MATCAP2: variants seen among roughly 807,000 people sequenced by gnomAD.
MATCAP2 encodes the protein microtubule associated tyrosine carboxypeptidase 2.
At chr7:36,331,571 A>G in the MATCAP2 span, among the ~76,000 whole-genome samples, 9 of 152,216 alleles carry the variant, frequency 5.9e-5, no homozygotes, top group African/African-American at 2.2e-4. Context: ...ACCCTCCATT[A>G]AACAAAAACA....
chr7:36,354,945 A>G, the MATCAP2 span, among the ~76,000 whole-genome samples: 1 of 152,200 alleles, frequency 6.6e-6, no homozygotes, highest in East Asian at 1.9e-4. Flanking sequence ...CCTTCCAGAG[A>G]AATCAAAGAG....
chr7:36,360,289 C>T, the MATCAP2 span, among the ~76,000 whole-genome samples: 2 of 152,032 alleles, frequency 1.3e-5, no homozygotes, highest in Non-Finnish European at 2.9e-5. Flanking sequence ...TCTGAAACAG[C>T]CTACACATTT....
chr7:36,379,837 C>CAG, the MATCAP2 span, among the ~76,000 whole-genome samples: 75 of 131,378 alleles, frequency 5.7e-4, no homozygotes, highest in Non-Finnish European at 1.0e-3. Context: ...CACACACACA[C>CAG]ACACACACAC....
At chr7:36,386,071 C>T in the MATCAP2 span, among the ~76,000 whole-genome samples, 3 of 151,780 alleles carry the variant, frequency 2.0e-5, no homozygotes, top group Non-Finnish European at 4.4e-5. Context: ...AGGAGAATCG[C>T]TTGAACCCGG....
chr7:36,387,008 G>C, the MATCAP2 span, among the ~76,000 whole-genome samples: 1 of 152,148 alleles, frequency 6.6e-6, no homozygotes, highest in Non-Finnish European at 1.5e-5. Context: ...TCCATTAACA[G>C]GATAATGGGT....
chr7:36,344,127 C>G, the MATCAP2 span, among the ~76,000 whole-genome samples: 1 of 152,052 alleles, frequency 6.6e-6, no homozygotes, highest in Non-Finnish European at 1.5e-5. Flanking sequence ...TCTAGAATAA[C>G]CTGCACTGAA....
At chr7:36,356,996 T>C in the MATCAP2 span, 2 of 1,614,196 alleles carry the variant, frequency 1.2e-6, no homozygotes, top group Non-Finnish European at 1.7e-6. Context: ...GTAGGTATAG[T>C]CAGATTTGAA....
chr7:36,366,922 C>G, the MATCAP2 span: 1 of 1,438,208 alleles, frequency 7.0e-7, no homozygotes, highest in Non-Finnish European at 9.0e-7. Flanking sequence ...TCACCCGTCA[C>G]GCGAATGGAC....
the MATCAP2 span, among the ~76,000 whole-genome samples, chr7:36,376,003 C>A: frequency 4.6e-5 from 7 of 152,130 alleles, no homozygotes; most frequent in South Asian, 2.1e-4. Context: ...GTCTTGCTAG[C>A]GGTTTATCAA....
chr7:36,364,225 C>G, the MATCAP2 span, among the ~76,000 whole-genome samples: 2 of 151,958 alleles, frequency 1.3e-5, no homozygotes, highest in Non-Finnish European at 2.9e-5. Context: ...GTAGCTGGGA[C>G]TACAGGCGCA....
the MATCAP2 span, chr7:36,383,713 G>C: frequency 3.8e-6 from 2 of 520,314 alleles, no homozygotes; most frequent in Non-Finnish European, 6.8e-6. Flanking sequence ...ACCTAATATA[G>C]ATGACAGGTT....
chr7:36,336,047 G>T, the MATCAP2 span: 2 of 805,790 alleles, frequency 2.5e-6, no homozygotes, highest in Non-Finnish European at 1.7e-6. Flanking sequence ...CTCCAGTCTG[G>T]GCAACAGAGC....
the MATCAP2 span, chr7:36,336,255 A>G: frequency 6.5e-7 from 1 of 1,533,954 alleles, no homozygotes; most frequent in Non-Finnish European, 8.7e-7. Flanking sequence ...AATTTTTCAT[A>G]ACTTCCATAT....
the MATCAP2 span, among the ~76,000 whole-genome samples, chr7:36,332,481 T>C: frequency 6.6e-6 from 1 of 152,184 alleles, no homozygotes; most frequent in African/African-American, 2.4e-5. Flanking sequence ...TGTCCTTCTC[T>C]TTCCTGCTTC....
At chr7:36,362,891 C>T in the MATCAP2 span, among the ~76,000 whole-genome samples, 3 of 152,192 alleles carry the variant, frequency 2.0e-5, no homozygotes, top group South Asian at 2.1e-4. Context: ...ATCTCTTCTT[C>T]GAAGTACTTT....
chr7:36,353,803 C>G, the MATCAP2 span, among the ~76,000 whole-genome samples: 5 of 152,004 alleles, frequency 3.3e-5, no homozygotes, highest in South Asian at 2.1e-4. Flanking sequence ...CTTAAAGTAT[C>G]CATTTTACTT....
At chr7:36,332,665 C>T in the MATCAP2 span, among the ~76,000 whole-genome samples, 6 of 152,312 alleles carry the variant, frequency 3.9e-5, no homozygotes, top group South Asian at 2.1e-4. Flanking sequence ...TGGTGGCTCA[C>T]GCCTGTAGTC....
At chr7:36,361,301 T>C in the MATCAP2 span, among the ~76,000 whole-genome samples, 1 of 152,160 alleles carries the variant, frequency 6.6e-6, no homozygotes, top group Non-Finnish European at 1.5e-5. Flanking sequence ...CACTGCTCTC[T>C]AAAAGTAGTG....
At chr7:36,372,475 G>T in the MATCAP2 span, among the ~76,000 whole-genome samples, 4 of 152,304 alleles carry the variant, frequency 2.6e-5, no homozygotes, top group South Asian at 8.3e-4. Flanking sequence ...AATGAAAAGC[G>T]TTAAGTAGAA....
Sources: gnomAD v4.1 joint callset for allele counts (sites outside exome capture counted in the v4.1 genomes callset) on GRCh38, gnomAD v4.1.1 for gene constraint, MANE v1.5 for transcripts, NCBI Gene and HGNC (gene_info 2026-07-23, HGNC 2026-07-21) for gene names.